The following LHFPL6 variants were observed in gnomAD, a reference collection of about 807,000 sequenced individuals.
LHFPL6 encodes LHFPL tetraspan subfamily member 6.
In LHFPL6, 9 loss-of-function variants were observed where a neutral mutation model predicts 20.6. The observed-to-expected ratio is 0.44, with a 90% confidence interval of 0.26 to 0.76. The LOEUF (loss-of-function observed/expected upper bound fraction) is 0.76. LHFPL6 is among the 30% of genes least tolerant of loss of function. The probability of loss-of-function intolerance (pLI) is 0.20; values close to 1 mark genes in which losing one functional copy is unlikely to be tolerated. For synonymous variants in LHFPL6, 105 were observed against 98.7 expected (o/e 1.06, Z -0.38); for missense variants, 218 against 253.5 (o/e 0.86, Z 0.95).
At chr13:39,448,346 G>A (rs537884784) in intron 2 of LHFPL6, among the ~76,000 whole-genome samples, 69 of 152,258 alleles carry the variant, frequency 4.5e-4, no homozygotes, top group Non-Finnish European at 8.2e-4. Flanking sequence ...TTCTATGCAG[G>A]AGCTTTGTCT....
At chr13:39,508,456 C>A (rs1004153436) in intron 2 of LHFPL6, among the ~76,000 whole-genome samples, 1 of 152,206 alleles carries the variant, frequency 6.6e-6, no homozygotes, top group South Asian at 2.1e-4. Flanking sequence ...TTTCCTCATA[C>A]TACTTTGTAA....
chr13:39,380,171 C>T (rs931766538), intron 2 of LHFPL6, among the ~76,000 whole-genome samples: 6 of 152,262 alleles, frequency 3.9e-5, no homozygotes, highest in Non-Finnish European at 7.4e-5. Flanking sequence ...GTTTAATAAA[C>T]AATGAGGTAT....
At chr13:39,372,639 C>A (rs1195897064) in intron 3 of LHFPL6, among the ~76,000 whole-genome samples, 5 of 152,136 alleles carry the variant, frequency 3.3e-5, no homozygotes, top group Non-Finnish European at 7.4e-5. Context: ...TATAAAAATG[C>A]TTGAGAATCA....
intron 2 of LHFPL6, among the ~76,000 whole-genome samples, chr13:39,393,884 C>G (rs576093836): frequency 6.6e-6 from 1 of 152,288 alleles, no homozygotes; most frequent in South Asian, 2.1e-4. Flanking sequence ...TATCCTCACA[C>G]GGTCTTTCCT....
chr13:39,529,786 G>T (rs1267862223), intron 2 of LHFPL6, among the ~76,000 whole-genome samples: 1 of 152,084 alleles, frequency 6.6e-6, no homozygotes, highest in Non-Finnish European at 1.5e-5. Context: ...GCTGTTTGTT[G>T]GGAAGCAAAT....
At chr13:39,468,388 G>A (rs569812360) in intron 2 of LHFPL6, among the ~76,000 whole-genome samples, 18 of 152,120 alleles carry the variant, frequency 1.2e-4, no homozygotes, top group Admixed American at 1.2e-3. Context: ...TGATCCCAAA[G>A]AATAAGCTGG....
chr13:39,412,571 C>T (rs920475605), intron 2 of LHFPL6, among the ~76,000 whole-genome samples: 1 of 152,190 alleles, frequency 6.6e-6, no homozygotes, highest in African/African-American at 2.4e-5. Context: ...GCAGATGCCA[C>T]AATTGTTCCC....
intron 2 of LHFPL6, among the ~76,000 whole-genome samples, chr13:39,395,032 C>A (rs1439839472): frequency 6.6e-6 from 1 of 152,158 alleles, no homozygotes; most frequent in Non-Finnish European, 1.5e-5. Context: ...CCCCACTGCT[C>A]CTTCCCACGG....
At chr13:39,440,137 A>T (rs1872076749) in intron 2 of LHFPL6, among the ~76,000 whole-genome samples, 1 of 152,240 alleles carries the variant, frequency 6.6e-6, no homozygotes, top group Non-Finnish European at 1.5e-5. Flanking sequence ...ACTGTAGCTC[A>T]GATGAGCAGA....
chr13:39,446,594 T>C (rs1872297513), intron 2 of LHFPL6, among the ~76,000 whole-genome samples: 1 of 151,972 alleles, frequency 6.6e-6, no homozygotes. Flanking sequence ...ACGTCGTATC[T>C]GAGGATCTCG....
At chr13:39,402,335 C>T (rs1349190018) in intron 2 of LHFPL6, among the ~76,000 whole-genome samples, 2 of 152,124 alleles carry the variant, frequency 1.3e-5, no homozygotes, top group Admixed American at 6.5e-5. Flanking sequence ...AGCAATCCTC[C>T]CACCTCAGCC....
In LHFPL6 at chr13:39,343,940, T is replaced by C. The variant is rs1869321145; in HGVS notation, c.599A>G (p.Tyr200Cys). ...FSGKKQKHYP[Y>C] is the part of the protein sequence containing the mutation. ...TCTGCTCTTGGTAGCTCCATCTCAG[T>C]ATGGGTAGTGCTTCTGTTTCTTGCC... is the stretch of plus-strand genomic sequence containing the variant. The change falls in exon 4 of 4, where the codon TAC becomes TGC. Residue 200 changes from tyrosine to cysteine, a missense_variant. Physicochemically the swap from Tyr to Cys is radical, Grantham distance 194. Transcript: ENST00000379589. 6.2e-7 allele frequency: 1 copy of C among 1,613,142 alleles called. No homozygotes were observed. The highest frequency in any genetic ancestry group is 1.7e-5 in the Admixed American group (1 of 59,976).
intron 2 of LHFPL6, among the ~76,000 whole-genome samples, chr13:39,478,749 C>T (rs1868394399): frequency 6.6e-6 from 1 of 152,078 alleles, no homozygotes; most frequent in South Asian, 2.1e-4. Flanking sequence ...TTTGCATGAG[C>T]TGGAATATTG....
At chr13:39,537,992 CTT>C (rs57732900) in intron 2 of LHFPL6, among the ~76,000 whole-genome samples, 7,305 of 43,084 alleles carry the variant, frequency 0.17, 301 homozygotes, top group South Asian at 0.34. Context: ...TTCTTTCTTT[CTT>C]TTTTTTTTTT....
intron 2 of LHFPL6, among the ~76,000 whole-genome samples, chr13:39,386,416 C>A (rs1478561542): frequency 6.6e-6 from 1 of 152,186 alleles, no homozygotes; most frequent in Non-Finnish European, 1.5e-5. Flanking sequence ...GTAAACCACA[C>A]CTCCTATCAA....
intron 2 of LHFPL6, among the ~76,000 whole-genome samples, chr13:39,564,608 T>A (rs1288346564): frequency 6.6e-6 from 1 of 152,202 alleles, no homozygotes; most frequent in Non-Finnish European, 1.5e-5. Context: ...CCCATAAAAT[T>A]GCACTACGCT....
Position 39,499,716 on chromosome 13 carries a change from G to A in LHFPL6, c.385+101116C>T, listed in dbSNP as rs768371217. Reference sequence around the variant, plus strand: ...TGGAGAAAGGCACCTCCCTGAGAAAGGAGCTGGCACAGAGATGGTAAGAAG... The same window carrying A: ...TGGAGAAAGGCACCTCCCTGAGAAAAGAGCTGGCACAGAGATGGTAAGAAG... On this transcript the variant is annotated intron_variant, in intron 2 of 3. Coordinates refer to ENST00000379589, the MANE Select transcript of LHFPL6 (RefSeq NM_005780.3). 1.3e-4 allele frequency among the ~76,000 whole-genome samples: 20 copies of A among 152,222 alleles called. 1 individual carries two copies. The highest frequency in any genetic ancestry group is 1.3e-3 in the Admixed American group (20 of 15,284).
chr13:39,440,176 T>C (rs947644755), intron 2 of LHFPL6, among the ~76,000 whole-genome samples: 5 of 152,126 alleles, frequency 3.3e-5, no homozygotes, highest in African/African-American at 4.8e-5. Context: ...TCTGGAGAGA[T>C]TGTGCAATGA....
At chr13:39,506,523 A>G (rs1192292241) in intron 2 of LHFPL6, among the ~76,000 whole-genome samples, 3 of 152,230 alleles carry the variant, frequency 2.0e-5, no homozygotes, top group African/African-American at 7.2e-5. Flanking sequence ...AGTGAGAAAC[A>G]TTTCACACTA....
Sources: gnomAD v4.1 joint callset for allele counts (sites outside exome capture counted in the v4.1 genomes callset) on GRCh38, gnomAD v4.1.1 for gene constraint, MANE v1.5 for transcripts, NCBI Gene and HGNC (gene_info 2026-07-23, HGNC 2026-07-21) for gene names.